TAF1: variants seen among roughly 807,000 people sequenced by gnomAD.
The protein encoded by TAF1 is TATA-box binding protein associated factor 1.
In TAF1, 2 loss-of-function variants were observed where a neutral mutation model predicts 138.5. The observed-to-expected ratio is 0.01, with a 90% confidence interval of 0.01 to 0.05. The LOEUF is 0.05. Among genes scored for constraint, TAF1 ranks in the 10% least tolerant of loss-of-function variants. The pLI is 1.00. For synonymous variants in TAF1, 437 were observed against 503.2 expected (o/e 0.87, Z 1.76); for missense variants, 709 against 1,478.0 (o/e 0.48, Z 8.53).
chrX:71,476,645 T>C (rs1440470013), intron 13 of TAF1, among the ~76,000 whole-genome samples: 2 of 106,950 alleles, frequency 1.9e-5, no homozygotes, highest in Non-Finnish European at 3.9e-5. Context: ...CCTCTCTCTC[T>C]TTCTCTCTCC....
intron 24 of TAF1, 31 bp downstream of exon 24, chrX:71,398,768 C>T (rs376216322): frequency 6.9e-4 from 806 of 1,162,188 alleles, no homozygotes; most frequent in Non-Finnish European, 6.5e-4. Context: ...TTACAGCTAA[C>T]GGAGCAAAGG....
chrX:71,420,931 C>G (rs895844673), intron 28 of TAF1, among the ~76,000 whole-genome samples: 1 of 112,762 alleles, frequency 8.9e-6, no homozygotes, highest in Non-Finnish European at 1.9e-5. Flanking sequence ...GATGGCGCCA[C>G]CGCCCTGACC....
At chrX:71,528,084 C>A in intron 13 of TAF1, 1 of 198,891 alleles carries the variant, frequency 5.0e-6, no homozygotes. Flanking sequence ...CATCTGGTTG[C>A]TCATAAAAGC....
At chrX:71,484,206 A>AAT (rs1010455898) in intron 13 of TAF1, among the ~76,000 whole-genome samples, 1 of 110,411 alleles carries the variant, frequency 9.1e-6, no homozygotes, top group African/African-American at 3.3e-5. Context: ...TAGACATTTA[A>AAT]TTTTCCAATT....
chrX:71,410,518 C>T (rs2035727419), intron 28 of TAF1, among the ~76,000 whole-genome samples: 1 of 89,312 alleles, frequency 1.1e-5, no homozygotes, highest in Admixed American at 1.4e-4. Context: ...AGTGCAGTGG[C>T]GCTGTCTTGG....
intron 13 of TAF1, 135 bp downstream of exon 13, chrX:71,384,270 T>C (rs2034077489): frequency 1.4e-6 from 1 of 708,944 alleles, no homozygotes. Flanking sequence ...AATTTTTTAT[T>C]ATTAACGTAG....
intron 18 of TAF1, among the ~76,000 whole-genome samples, chrX:71,390,715 G>A: frequency 9.0e-6 from 1 of 111,646 alleles, no homozygotes; most frequent in East Asian, 2.8e-4. Context: ...ATGTCTCACG[G>A]CCGGGCGCGG....
chrX:71,475,401 T>C (rs1036019383), intron 13 of TAF1, among the ~76,000 whole-genome samples: 1 of 108,354 alleles, frequency 9.2e-6, no homozygotes, highest in Non-Finnish European at 1.9e-5. Context: ...CTGGCCAATA[T>C]GGTGAAACTC....
chrX:71,396,059 G>T (rs756978606), intron 22 of TAF1, among the ~76,000 whole-genome samples: 1 of 108,204 alleles, frequency 9.2e-6, no homozygotes, highest in Non-Finnish European at 1.9e-5. Context: ...TGAGGCAGGA[G>T]AATCGCTTGA....
rs777197499 is a variant in TAF1, at chrX:71,506,382, TA to T, written c.1367-22142del. ...CTGGGCGACAGAGTGAGACCTCATC[TA>T]AAAAAAAAAAAAAAAAATTGGCCAG... On this transcript the variant is annotated intron_variant and NMD_transcript_variant, in intron 13 of 14. Coordinates refer to the TAF1 transcript ENST00000373775. Among the ~76,000 whole-genome samples, 518 of 78,492 alleles carry T rather than the reference TA, an allele frequency of 6.6e-3. 2 individuals are homozygous for T. The highest frequency in any genetic ancestry group is 0.018 in the African/African-American group (384 of 20,824). 68.2% of individuals were successfully genotyped at this position (78,492 alleles called of 115,157 possible).
intron 13 of TAF1, among the ~76,000 whole-genome samples, chrX:71,509,374 G>C (rs929462681): frequency 9.0e-6 from 1 of 111,679 alleles, no homozygotes; most frequent in African/African-American, 3.3e-5. Context: ...GAAATGCTTA[G>C]ATGGTAAAAT....
chrX:71,420,296 G>A, intron 28 of TAF1: 1 of 1,101,024 alleles, frequency 9.1e-7, no homozygotes, highest in Non-Finnish European at 1.3e-6. Context: ...CTCTAAATAG[G>A]GAGTCATCTA....
chrX:71,511,288 C>T (rs1227888932), intron 13 of TAF1, among the ~76,000 whole-genome samples: 1 of 111,476 alleles, frequency 9.0e-6, no homozygotes, highest in Non-Finnish European at 1.9e-5. Context: ...ACTTTTCTCC[C>T]CAAGAGATCC....
intron 2 of TAF1, 38 bp from the exon 3 acceptor site, chrX:71,368,016 G>A (rs377117444): frequency 3.0e-5 from 35 of 1,160,116 alleles, no homozygotes; most frequent in Middle Eastern, 2.4e-4. Context: ...AGTGAGGGTC[G>A]CTTACTGTTG....
chrX:71,426,775 A>G (rs2036614529), intron 32 of TAF1, among the ~76,000 whole-genome samples: 1 of 111,207 alleles, frequency 9.0e-6, no homozygotes, highest in South Asian at 3.8e-4. Flanking sequence ...ATACTGGTAA[A>G]TAACTGTTTT....
intron 32 of TAF1, among the ~76,000 whole-genome samples, chrX:71,439,912 G>T (rs1409636105): frequency 1.8e-5 from 2 of 111,485 alleles, no homozygotes; most frequent in African/African-American, 6.5e-5. Flanking sequence ...ATTTATATTG[G>T]TACATTACTT....
At chrX:71,452,445 T>C (rs1439054425) in intron 32 of TAF1, among the ~76,000 whole-genome samples, 17 of 107,611 alleles carry the variant, frequency 1.6e-4, no homozygotes, top group Middle Eastern at 4.9e-3. Flanking sequence ...AGAGGCGCTC[T>C]CCACATCTCA....
At chrX:71,441,826 C>T in intron 32 of TAF1, 1 of 164,458 alleles carries the variant, frequency 6.1e-6, no homozygotes, top group Non-Finnish European at 1.1e-5. Flanking sequence ...CAGCCCCCCA[C>T]CCCACAACAG....
At chrX:71,445,298 CAAAAAAA>C (rs41356545) in intron 32 of TAF1, among the ~76,000 whole-genome samples, 2 of 36,974 alleles carry the variant, frequency 5.4e-5, no homozygotes, top group African/African-American at 1.1e-4. Flanking sequence ...AGACTCATCT[CAAAAAAA>C]AAAAAAAAAA....
Sources: allele counts gnomAD v4.1 joint callset (sites outside exome capture counted in the v4.1 genomes callset), GRCh38; gene constraint gnomAD v4.1.1; transcripts MANE v1.5; gene names NCBI Gene and HGNC (gene_info 2026-07-23, HGNC 2026-07-21).